PCDHGA1: variants seen among roughly 807,000 people sequenced by gnomAD.
PCDHGA1 encodes protocadherin gamma subfamily A, 1.
Under a neutral mutation model 58.0 loss-of-function variants are expected in PCDHGA1, and 32 were observed. The ratio of observed to expected loss-of-function variants is 0.55; its 90% CI spans 0.42 to 0.74. The LOEUF is 0.74. PCDHGA1 is among the 30% of genes least tolerant of loss of function. PCDHGA1 has a pLI of 0.00. For missense variants in PCDHGA1, 1,205 were observed against 1,182.3 expected (o/e 1.02, Z -0.28); for synonymous variants, 498 against 501.1 (o/e 0.99, Z 0.08).
intron 1 of PCDHGA1, among the ~76,000 whole-genome samples, chr5:141,433,408 A>ATCTATCTATCTATCT (rs1413347413): frequency 7.9e-6 from 1 of 127,280 alleles, no homozygotes; most frequent in African/African-American, 2.9e-5. Flanking sequence ...TCTATCTATT[A>ATCTATCTATCTATCT]CTTTCTTGTA....
At chr5:141,427,397 T>C (rs944166415) in intron 1 of PCDHGA1, 2 of 460,626 alleles carry the variant, frequency 4.3e-6, no homozygotes, top group South Asian at 1.5e-5. Flanking sequence ...AAACACATGA[T>C]AAAGATTCGA....
chr5:141,403,927 G>A, intron 1 of PCDHGA1: 3 of 1,613,852 alleles, frequency 1.9e-6, no homozygotes, highest in East Asian at 2.2e-5. Context: ...AAGATGGTGG[G>A]GGATTGAAAG....
chr5:141,415,147 C>A lies in PCDHGA1; in HGVS notation c.2422-79660C>A, dbSNP rs779194230. The A allele has an allele frequency of 9.9e-6, 16 of 1,613,668 alleles. No individual in the cohort carries two copies. Among genetic ancestry groups the A allele is most frequent in the African/African-American group, 1.3e-5 (1 of 74,952 alleles). On this transcript the variant is annotated intron_variant, in intron 1 of 3. Transcript: ENST00000517417. ...CGTCCAGGACCACGGCCAGCCCCCT[C>A]TCTCCGCCACTGTCACGCTCACCGT... is the stretch of plus-strand genomic sequence containing the variant.
chr5:141,384,623 T>C (rs906239388), intron 1 of PCDHGA1: 7 of 1,614,092 alleles, frequency 4.3e-6, no homozygotes, highest in African/African-American at 1.3e-5. Flanking sequence ...TCTACTGGCA[T>C]GGAGCTGGCA....
chr5:141,509,601 G>A (rs2099877534), intron 3 of PCDHGA1, among the ~76,000 whole-genome samples: 1 of 152,144 alleles, frequency 6.6e-6, no homozygotes, highest in Non-Finnish European at 1.5e-5. Flanking sequence ...ATTCCGAGAG[G>A]CTGCATTCTA....
At chr5:141,351,767 G>C in intron 1 of PCDHGA1, 1 of 1,613,536 alleles carries the variant, frequency 6.2e-7, no homozygotes, top group Non-Finnish European at 8.5e-7. Flanking sequence ...CTACGTGTCC[G>C]TGAGCCCGCA....
intron 1 of PCDHGA1, among the ~76,000 whole-genome samples, chr5:141,471,692 C>A (rs1293253544): frequency 6.6e-6 from 1 of 152,118 alleles, no homozygotes; most frequent in African/African-American, 2.4e-5. Context: ...TTCTGAAATT[C>A]TGGCTGGAAT....
intron 1 of PCDHGA1, chr5:141,422,697 C>T (rs1406213402): frequency 3.7e-6 from 6 of 1,603,284 alleles, no homozygotes; most frequent in South Asian, 1.1e-5. Flanking sequence ...TGGTCACTTA[C>T]TCTCTGACGG....
chr5:141,387,782 A>G lies in PCDHGA1; in HGVS notation c.2421+54677A>G, dbSNP rs145228594. 6.9e-3 allele frequency: 10,094 copies of G among 1,466,254 alleles called. 59 individuals are homozygous for G. The highest frequency in any genetic ancestry group is 8.3e-3 in the Non-Finnish European group (9,103 of 1,100,820). 90.8% of individuals were successfully genotyped at this position (1,466,254 alleles called of 1,614,324 possible). On this transcript the variant is annotated intron_variant, in intron 1 of 3. Transcript: ENST00000517417. ...AAGAAGAATTTTTTCTTGAACTGGA[A>G]CTGCAACTAAAGTCCGTTCGGAGAT... is the stretch of plus-strand genomic sequence containing the variant.
chr5:141,468,458 G>A (rs1047447240), intron 1 of PCDHGA1: 3 of 152,134 alleles, frequency 2.0e-5, no homozygotes, highest in African/African-American at 7.2e-5. Flanking sequence ...ATTAAAGCAA[G>A]TTATTTCTGA....
At chr5:141,412,527 A>G (rs1017506409) in intron 1 of PCDHGA1, 3 of 152,186 alleles carry the variant, frequency 2.0e-5, no homozygotes, top group Admixed American at 1.3e-4. Context: ...AGTAGTTACA[A>G]TTATAAAGCT....
chr5:141,382,856 G>A, intron 1 of PCDHGA1: 1 of 1,504,886 alleles, frequency 6.6e-7, no homozygotes, highest in Non-Finnish European at 8.9e-7. Context: ...GCATTCTGAA[G>A]CACTTCCCGA....
intron 1 of PCDHGA1, among the ~76,000 whole-genome samples, chr5:141,494,199 G>A (rs1033914239): frequency 1.3e-5 from 2 of 152,160 alleles, no homozygotes; most frequent in South Asian, 2.1e-4. Context: ...TGGATGCCCC[G>A]CAAAGGCCCA....
intron 1 of PCDHGA1, among the ~76,000 whole-genome samples, chr5:141,468,921 G>A (rs1254189500): frequency 6.6e-6 from 1 of 151,342 alleles, no homozygotes; most frequent in African/African-American, 2.4e-5. Context: ...GAAGAGAATA[G>A]CACTAAAATG....
At chr5:141,338,471 G>A (rs923731104) in intron 1 of PCDHGA1, among the ~76,000 whole-genome samples, 2 of 152,256 alleles carry the variant, frequency 1.3e-5, no homozygotes, top group African/African-American at 4.8e-5. Flanking sequence ...AGCAAGGGCA[G>A]TGGTGGCATT....
At chr5:141,417,770 T>G in intron 1 of PCDHGA1, 1 of 1,456,418 alleles carries the variant, frequency 6.9e-7, no homozygotes, top group Non-Finnish European at 9.1e-7. Context: ...CCGGGACTCC[T>G]CCTGTCCTGG....
intron 1 of PCDHGA1, chr5:141,377,978 G>C (rs1774513116): frequency 6.6e-6 from 1 of 151,944 alleles, no homozygotes; most frequent in South Asian, 2.1e-4. Flanking sequence ...TATGTTCCTG[G>C]GTTGCAATCC....
chr5:141,357,514 C>T (rs563793307), intron 1 of PCDHGA1: 19 of 1,614,136 alleles, frequency 1.2e-5, no homozygotes, highest in Non-Finnish European at 1.6e-5. Flanking sequence ...GATCTTCTCC[C>T]AACCCAGCTA....
At chr5:141,351,750 T>G (rs896637851) in intron 1 of PCDHGA1, 1 of 1,613,678 alleles carries the variant, frequency 6.2e-7, no homozygotes, top group African/African-American at 1.3e-5. Flanking sequence ...CCGCGGGAGC[T>G]GTTGTCCTAC....
Sources: gnomAD v4.1 joint callset for allele counts (sites outside exome capture counted in the v4.1 genomes callset) on GRCh38, gnomAD v4.1.1 for gene constraint, MANE v1.5 for transcripts, NCBI Gene and HGNC (gene_info 2026-07-23, HGNC 2026-07-21) for gene names.